ZNF536: variants seen among roughly 807,000 people sequenced by gnomAD.
The protein encoded by ZNF536 is zinc finger protein 536.
Under a neutral mutation model 84.5 loss-of-function variants are expected in ZNF536, and 13 were observed. The observed-to-expected ratio is 0.15, with a 90% CI of 0.10 to 0.24. The LOEUF is 0.24. Ranked by LOEUF, ZNF536 falls within the 10% of genes least tolerant of loss-of-function variation. ZNF536 has a pLI of 1.00. For synonymous variants in ZNF536, 811 were observed against 742.5 expected (o/e 1.09, Z -1.50); for missense variants, 1,536 against 1,747.5 (o/e 0.88, Z 2.16).
At chr19:30,450,029 G>T (rs892688569) in intron 2 of ZNF536, among the ~76,000 whole-genome samples, 1 of 132,470 alleles carries the variant, frequency 7.5e-6, no homozygotes, top group Non-Finnish European at 1.6e-5. Flanking sequence ...AGAAGAAAAA[G>T]AAAAAGAAAA....
intron 1 of ZNF536, among the ~76,000 whole-genome samples, chr19:30,683,335 G>T (rs2051049113): frequency 6.6e-6 from 1 of 152,218 alleles, no homozygotes; most frequent in Admixed American, 6.5e-5. Context: ...TTGACCATGA[G>T]CTCTAAGTAA....
intron 1 of ZNF536, among the ~76,000 whole-genome samples, chr19:30,648,922 G>A (rs898756872): frequency 1.3e-5 from 2 of 152,218 alleles, no homozygotes; most frequent in Non-Finnish European, 2.9e-5. Context: ...AAACGGGTGG[G>A]CCCAGGGTTC....
chr19:30,454,363 C>T (rs921645981), intron 2 of ZNF536, among the ~76,000 whole-genome samples: 5 of 152,146 alleles, frequency 3.3e-5, no homozygotes, highest in Non-Finnish European at 5.9e-5. Flanking sequence ...TGGTGGTCAT[C>T]GTGGCTTTTG....
chr19:30,458,447 G>GTTTTTT lies in ZNF536; in HGVS notation c.2170+12733_2170+12738dup, dbSNP rs3084731. ...CCAAGTATTTCCTCAATTTCCTGCT[G>GTTTTTT]TTTTTTTTTTTTTTTTTTTTTTTGA... is the stretch of plus-strand genomic sequence containing the variant. On this transcript the variant is annotated intron_variant, in intron 2 of 4. Coordinates refer to ENST00000355537, the MANE Select transcript of ZNF536 (RefSeq NM_014717.3). 7.0e-3 allele frequency among the ~76,000 whole-genome samples: 580 copies of GTTTTTT among 83,434 alleles called. 46 individuals carry two copies. The highest frequency in any genetic ancestry group is 0.016 in the Middle Eastern group (2 of 122). The allele number at this position is 83,434 out of a possible 152,430, so 54.7% of individuals were successfully genotyped here.
chr19:30,587,769 G>C (rs2047144560), intron 1 of ZNF536, among the ~76,000 whole-genome samples: 1 of 152,226 alleles, frequency 6.6e-6, no homozygotes, highest in Admixed American at 6.5e-5. Context: ...AACGAGTCGA[G>C]GCATGCTTTA....
chr19:30,425,926 C>A (rs373947152), intron 1 of ZNF536, among the ~76,000 whole-genome samples: 23 of 152,162 alleles, frequency 1.5e-4, no homozygotes, highest in East Asian at 5.8e-4. Context: ...GAGTCTGGAC[C>A]TGATTAATAG....
intron 1 of ZNF536, among the ~76,000 whole-genome samples, chr19:30,411,299 C>G (rs1049721047): frequency 6.6e-6 from 1 of 152,032 alleles, no homozygotes; most frequent in Non-Finnish European, 1.5e-5. Context: ...CCTGTACCAA[C>G]AATATATACA....
intron 1 of ZNF536, among the ~76,000 whole-genome samples, chr19:30,399,413 A>C (rs2049955132): frequency 1.3e-5 from 2 of 151,958 alleles, no homozygotes; most frequent in Non-Finnish European, 2.9e-5. Flanking sequence ...GAAGCTCTTT[A>C]GTTTAATTAG....
intron 1 of ZNF536, among the ~76,000 whole-genome samples, chr19:30,253,415 T>C (rs1168240713): frequency 3.3e-5 from 5 of 152,210 alleles, no homozygotes; most frequent in African/African-American, 7.2e-5. Context: ...GCGAATCTTA[T>C]TGCAGTTTGG....
chr19:30,230,161 A>T (rs576579202), intron 1 of ZNF536, among the ~76,000 whole-genome samples: 2 of 152,316 alleles, frequency 1.3e-5, no homozygotes, highest in Non-Finnish European at 2.9e-5. Context: ...TTGATTTTTA[A>T]CTAGTGTACA....
At chr19:30,288,068 C>A (rs1457272315) in intron 2 of ZNF536, among the ~76,000 whole-genome samples, 1 of 152,192 alleles carries the variant, frequency 6.6e-6, no homozygotes, top group African/African-American at 2.4e-5. Flanking sequence ...GCTAGGCAAC[C>A]TCTGTGAACT....
chr19:30,528,700 G>A (rs964293059), intron 2 of ZNF536, among the ~76,000 whole-genome samples: 7 of 152,068 alleles, frequency 4.6e-5, no homozygotes, highest in Admixed American at 1.3e-4. Context: ...AGGAGAGGGC[G>A]GAGGAGGTGC....
chr19:30,493,766 C>T (rs2054605415), intron 2 of ZNF536, among the ~76,000 whole-genome samples: 1 of 152,152 alleles, frequency 6.6e-6, no homozygotes, highest in Non-Finnish European at 1.5e-5. Context: ...AGGGGCTGTT[C>T]CTCAGCACCA....
chr19:30,239,762 AC>A (rs1444353527), intron 1 of ZNF536, among the ~76,000 whole-genome samples: 1 of 152,124 alleles, frequency 6.6e-6, no homozygotes, highest in Non-Finnish European at 1.5e-5. Flanking sequence ...TTCCCAGGGC[AC>A]CCTTGCCTTT....
rs190014100 is a variant in ZNF536, at chr19:30,510,992, T to C, written c.2171-23855T>C. Among the ~76,000 whole-genome samples the C allele has an allele frequency of 5.3e-5, 8 of 152,344 alleles. No homozygotes were observed. In the East Asian group the frequency reaches 9.7e-4, roughly 18 times the overall value. On this transcript the variant is annotated intron_variant, in intron 2 of 4. Coordinates refer to ENST00000355537, the MANE Select transcript of ZNF536 (RefSeq NM_014717.3). ...TCTCCCATTTGGCCTCCTCAGAGGC[T>C]GAGCCCTGGCTGGAGAACAAAGGAA...
Position 30,384,098 on chromosome 19 carries a change from CTCTTTCTTTCTT to C in ZNF536, c.-3+11597_-3+11608del, listed in dbSNP as rs749685060. Among the ~76,000 whole-genome samples the C allele has an allele frequency of 7.8e-3, 673 of 86,524 alleles. 9 individuals are homozygous for C. Among genetic ancestry groups the C allele is most frequent in the African/African-American group, 0.026 (566 of 21,782 alleles). The allele number at this position is 86,524 out of a possible 152,430, so 56.8% of individuals were successfully genotyped here. On this transcript the variant is annotated intron_variant, in intron 1 of 4. Transcript: ENST00000355537. ...CCTCTCTTCTTCTGCCCACCTCTTT[CTCTTTCTTTCTT>C]TCTTTCTTTCTTTCTTTCTTTCTTT...
At chr19:30,646,240 G>T (rs2049464731) in intron 1 of ZNF536, among the ~76,000 whole-genome samples, 1 of 152,158 alleles carries the variant, frequency 6.6e-6, no homozygotes, top group African/African-American at 2.4e-5. Flanking sequence ...CTTTCCCCCT[G>T]TCATGTGCCT....
intron 1 of ZNF536, among the ~76,000 whole-genome samples, chr19:30,673,605 C>A (rs935336305): frequency 1.3e-5 from 2 of 152,158 alleles, no homozygotes; most frequent in African/African-American, 4.8e-5. Context: ...TCAAGCCAAC[C>A]AGCCACAGCC....
At chr19:30,452,364 G>A (rs1181659544) in intron 2 of ZNF536, among the ~76,000 whole-genome samples, 5 of 152,194 alleles carry the variant, frequency 3.3e-5, no homozygotes, top group Non-Finnish European at 7.3e-5. Context: ...TAGGAAGTGC[G>A]TTCCCAGGAA....
Sources: gnomAD v4.1 joint callset for allele counts (sites outside exome capture counted in the v4.1 genomes callset) on GRCh38, gnomAD v4.1.1 for gene constraint, MANE v1.5 for transcripts, NCBI Gene and HGNC (gene_info 2026-07-23, HGNC 2026-07-21) for gene names.